Variants in ESRRG observed in about 807,000 individuals in gnomAD.
ESRRG encodes the protein estrogen related receptor gamma, also known as estrogen-related receptor gamma.
ESRRG carries 13 observed loss-of-function variants against 44.0 expected under a neutral mutation model. The ratio of observed to expected loss-of-function variants is 0.30; its 90% CI spans 0.19 to 0.47. The LOEUF is 0.47. ESRRG is among the 20% of genes least tolerant of loss of function. ESRRG has a pLI of 1.00. For missense variants in ESRRG, 395 were observed against 580.6 expected, an observed-to-expected ratio of 0.68 and a Z score of 3.29; for synonymous variants, 215 against 214.6, an observed-to-expected ratio of 1.00 and a Z score of -0.02.
At chr1:217,073,977 C>G (rs2151468199) in intron 1 of ESRRG, among the ~76,000 whole-genome samples, 2 of 151,232 alleles carry the variant, frequency 1.3e-5, no homozygotes, top group East Asian at 1.9e-4. Flanking sequence ...ATTATTACTG[C>G]TTTTTAGTAT....
At chr1:216,687,347 C>T (rs1350957063) in intron 1 of ESRRG, among the ~76,000 whole-genome samples, 1 of 152,122 alleles carries the variant, frequency 6.6e-6, no homozygotes, top group Non-Finnish European at 1.5e-5. Context: ...GTGTGCGACA[C>T]CACGCTGTCA....
chr1:216,704,844 G>A (rs191024860), intron 1 of ESRRG, among the ~76,000 whole-genome samples: 9 of 152,036 alleles, frequency 5.9e-5, no homozygotes, highest in Admixed American at 2.0e-4. Flanking sequence ...TGATTCTGAG[G>A]AAGAAAAATA....
intron 1 of ESRRG, among the ~76,000 whole-genome samples, chr1:217,017,042 T>C (rs2079494930): frequency 6.6e-6 from 1 of 152,144 alleles, no homozygotes; most frequent in Admixed American, 6.6e-5. Flanking sequence ...TTGGTAGCAT[T>C]AGGATGTTGA....
intron 5 of ESRRG, among the ~76,000 whole-genome samples, chr1:216,556,819 T>C (rs1006375137): frequency 6.6e-6 from 1 of 152,134 alleles, no homozygotes; most frequent in African/African-American, 2.4e-5. Flanking sequence ...GCAGAATTTG[T>C]GCTGTATTCA....
chr1:216,624,998 G>T (rs1187807837), intron 3 of ESRRG, among the ~76,000 whole-genome samples: 3 of 151,816 alleles, frequency 2.0e-5, no homozygotes, highest in Non-Finnish European at 4.4e-5. Flanking sequence ...TCCCCTCATT[G>T]AACCTTCATT....
intron 1 of ESRRG, among the ~76,000 whole-genome samples, chr1:217,051,205 G>GGGGGT (rs1047628044): frequency 2.2e-5 from 1 of 44,884 alleles, no homozygotes; most frequent in Non-Finnish European, 4.9e-5. Context: ...TAATGGGGGC[G>GGGGGT]GGGGGGGGGG....
chr1:216,702,580 T>C (rs1165296989), intron 1 of ESRRG, among the ~76,000 whole-genome samples: 1 of 137,626 alleles, frequency 7.3e-6, no homozygotes, highest in Non-Finnish European at 1.5e-5. Context: ...CTGGCCAACA[T>C]GGCAAAACCC....
At chr1:216,631,300 G>T (rs2064137168) in intron 3 of ESRRG, among the ~76,000 whole-genome samples, 1 of 152,180 alleles carries the variant, frequency 6.6e-6, no homozygotes, top group South Asian at 2.1e-4. Flanking sequence ...CAGTGCACAT[G>T]AAAATCTGTA....
intron 2 of ESRRG, among the ~76,000 whole-genome samples, chr1:216,673,310 A>G (rs1019039803): frequency 3.9e-5 from 6 of 152,238 alleles, no homozygotes; most frequent in African/African-American, 1.4e-4. Flanking sequence ...TTATTACATT[A>G]TACTTTCACA....
At chr1:216,945,642 T>C (rs930994367) in intron 1 of ESRRG, among the ~76,000 whole-genome samples, 5 of 152,216 alleles carry the variant, frequency 3.3e-5, no homozygotes, top group African/African-American at 1.2e-4. Flanking sequence ...CTGTCTTCAT[T>C]TAAATTACAA....
intron 5 of ESRRG, among the ~76,000 whole-genome samples, chr1:216,549,108 A>C (rs1196609388): frequency 6.6e-6 from 1 of 152,138 alleles, no homozygotes; most frequent in Non-Finnish European, 1.5e-5. Context: ...TAGCAGGTGC[A>C]CCAAGGTCAT....
intron 2 of ESRRG, among the ~76,000 whole-genome samples, chr1:216,766,824 G>A (rs1407308497): frequency 6.6e-6 from 1 of 152,100 alleles, no homozygotes; most frequent in East Asian, 1.9e-4. Context: ...GCTCTCTGGG[G>A]TCAGACATGA....
At chr1:216,861,852 A>G (rs181266938) in intron 2 of ESRRG, among the ~76,000 whole-genome samples, 2 of 152,280 alleles carry the variant, frequency 1.3e-5, no homozygotes, top group Admixed American at 6.5e-5. Flanking sequence ...AATAACAAGA[A>G]AACAAAAAAC....
At chr1:216,529,309 G>A (rs1448060426) in intron 5 of ESRRG, among the ~76,000 whole-genome samples, 1 of 152,074 alleles carries the variant, frequency 6.6e-6, no homozygotes, top group Non-Finnish European at 1.5e-5. Flanking sequence ...TATGAACTTT[G>A]TTTTTCCATT....
intron 2 of ESRRG, among the ~76,000 whole-genome samples, chr1:216,740,765 A>G (rs957404902): frequency 3.9e-5 from 6 of 152,088 alleles, no homozygotes; most frequent in Non-Finnish European, 8.8e-5. Context: ...AAGAACTTAA[A>G]GTGTTCCATT....
chr1:216,933,072 AAT>A (rs1260942066), intron 2 of ESRRG, among the ~76,000 whole-genome samples: 2 of 152,128 alleles, frequency 1.3e-5, no homozygotes, highest in Non-Finnish European at 2.9e-5. Context: ...CCATCTTTGA[AAT>A]AGGATAACAG....
intron 1 of ESRRG, among the ~76,000 whole-genome samples, chr1:216,999,173 C>T (rs2076718843): frequency 6.6e-6 from 1 of 152,072 alleles, no homozygotes; most frequent in South Asian, 2.1e-4. Context: ...ATCTGTATGC[C>T]CAGTTCTTGT....
chr1:216,737,272 T>A (rs1453209653), intron 2 of ESRRG, among the ~76,000 whole-genome samples: 1 of 152,164 alleles, frequency 6.6e-6, no homozygotes, highest in Non-Finnish European at 1.5e-5. Flanking sequence ...CTGCAGACAG[T>A]GGTTCACCCT....
intron 5 of ESRRG, among the ~76,000 whole-genome samples, chr1:216,536,659 C>T (rs1572509607): frequency 1.3e-5 from 2 of 151,996 alleles, no homozygotes; most frequent in East Asian, 3.9e-4. Context: ...ATTTACTTTT[C>T]TTTCTTCATT....
Sources: allele counts gnomAD v4.1 joint callset (sites outside exome capture counted in the v4.1 genomes callset), GRCh38; gene constraint gnomAD v4.1.1; transcripts MANE v1.5; gene names NCBI Gene and HGNC (gene_info 2026-07-23, HGNC 2026-07-21).